DGLUCY: variants seen among roughly 807,000 people sequenced by gnomAD.
DGLUCY encodes D-glutamate cyclase.
In DGLUCY, 58 loss-of-function variants were observed where a neutral mutation model predicts 58.5. The ratio of observed to expected loss-of-function variants is 0.99; its 90% CI spans 0.80 to 1.23. The LOEUF is 1.23. Among genes scored for constraint, DGLUCY ranks in the 50% most tolerant of loss-of-function variants. The pLI is 0.00. For synonymous variants in DGLUCY, 325 were observed against 314.1 expected, an observed-to-expected ratio of 1.03 and a Z score of -0.37; for missense variants, 779 against 784.7, an observed-to-expected ratio of 0.99 and a Z score of 0.09.
At chr14:91,156,794 C>T (rs2047644578) in intron 1 of DGLUCY, among the ~76,000 whole-genome samples, 1 of 152,178 alleles carries the variant, frequency 6.6e-6, no homozygotes, top group African/African-American at 2.4e-5. Context: ...AGAGGAAGAC[C>T]ACTCCGGAAA....
intron 11 of DGLUCY, among the ~76,000 whole-genome samples, chr14:91,202,645 G>A (rs1272390717): frequency 6.6e-6 from 1 of 152,094 alleles, no homozygotes; most frequent in Non-Finnish European, 1.5e-5. Context: ...TGTGGGGGAG[G>A]GGTTCTCAGA....
At chr14:91,138,291 A>G (rs2046454033) in intron 1 of DGLUCY, among the ~76,000 whole-genome samples, 1 of 152,158 alleles carries the variant, frequency 6.6e-6, no homozygotes, top group Non-Finnish European at 1.5e-5. Flanking sequence ...CGGGAGTTCG[A>G]AACCAGCCTG....
intron 13 of DGLUCY, among the ~76,000 whole-genome samples, chr14:91,223,330 T>A (rs1887774331): frequency 6.6e-6 from 1 of 152,164 alleles, no homozygotes; most frequent in Non-Finnish European, 1.5e-5. Flanking sequence ...CTTTGATCAA[T>A]GGTGGGATGA....
At position 91,211,704 on chromosome 14, in the gene DGLUCY, TTAAACA is replaced by T. The variant is rs549709144; in HGVS notation, c.1565-3696_1565-3691del. Among the ~76,000 whole-genome samples, 49 of 152,360 alleles carry T rather than the reference TTAAACA, an allele frequency of 3.2e-4. 1 individual carries two copies. The highest frequency in any genetic ancestry group is 1.1e-3 in the African/African-American group (44 of 41,582). ...AATAAACTCAAAATGGATTATGAAC[TTAAACA>T]TAAAACACAAAACTATAAAACTCCT... On this transcript the variant is annotated intron_variant, in intron 12 of 13. Coordinates refer to ENST00000256324, the MANE Select transcript of DGLUCY (RefSeq NM_001102368.3).
At chr14:91,107,708 G>C (rs2044615969), upstream of DGLUCY, among the ~76,000 whole-genome samples, 1 of 152,098 alleles carries the variant, frequency 6.6e-6, no homozygotes, top group Non-Finnish European at 1.5e-5. Flanking sequence ...GTGAAGCTTA[G>C]ATTCCAGAGC....
intron 1 of DGLUCY, among the ~76,000 whole-genome samples, chr14:91,090,003 C>A (rs2044283987): frequency 6.6e-6 from 1 of 152,176 alleles, no homozygotes; most frequent in Admixed American, 6.5e-5. Context: ...ACCCACTGAT[C>A]CAATCATGGG....
rs192858760 is a variant in DGLUCY at position 91,152,646 on chromosome 14, G to A, written c.-81-4993G>A. On this transcript the variant is annotated intron_variant, in intron 1 of 13. Transcript: ENST00000256324. ...TTAGGCTACCACCAGCAACTCTCTTGGCAAACATTGAGCAACTCCTACCAC... is the reference window on the plus strand; with the variant it reads ...TTAGGCTACCACCAGCAACTCTCTTAGCAAACATTGAGCAACTCCTACCAC... Among the ~76,000 whole-genome samples, 4 of 152,170 alleles carry A rather than the reference G, an allele frequency of 2.6e-5. No individual in the cohort carries two copies. In the East Asian group the frequency reaches 7.7e-4, roughly 29 times the overall value.
intron 1 of DGLUCY, among the ~76,000 whole-genome samples, chr14:91,102,033 A>G (rs1228112291): frequency 2.6e-5 from 4 of 151,934 alleles, no homozygotes; most frequent in Admixed American, 1.3e-4. Flanking sequence ...AATAATTCAA[A>G]TGTTCCTGGC....
chr14:91,120,336 T>G (rs548482580), intron 1 of DGLUCY, among the ~76,000 whole-genome samples: 83 of 152,292 alleles, frequency 5.5e-4, no homozygotes, highest in Middle Eastern at 3.4e-3. Context: ...AGTCTCTTCT[T>G]GTATTTATTT....
chr14:91,102,036 T>C (rs1225934455), intron 1 of DGLUCY, among the ~76,000 whole-genome samples: 2 of 151,992 alleles, frequency 1.3e-5, no homozygotes, highest in Admixed American at 6.6e-5. Flanking sequence ...AATTCAAATG[T>C]TCCTGGCATA....
At chr14:91,109,581 T>A (rs1181882737), upstream of DGLUCY, among the ~76,000 whole-genome samples, 4 of 152,056 alleles carry the variant, frequency 2.6e-5, no homozygotes, top group East Asian at 3.9e-4. Flanking sequence ...CAGAAGTGGG[T>A]CAGAACATAT....
intron 1 of DGLUCY, among the ~76,000 whole-genome samples, chr14:91,155,081 A>G (rs1263152102): frequency 6.6e-6 from 1 of 151,838 alleles, no homozygotes; most frequent in Non-Finnish European, 1.5e-5. Context: ...CTTCTCCTCC[A>G]CCCTGAGTCC....
intron 1 of DGLUCY, among the ~76,000 whole-genome samples, chr14:91,156,943 G>T (rs140364848): frequency 3.7e-4 from 56 of 152,344 alleles, no homozygotes; most frequent in African/African-American, 1.3e-3. Context: ...ATAGTGGGAA[G>T]GTCCCTGTTA....
Position 91,170,136 on chromosome 14 carries a change from G to T in DGLUCY, c.391G>T (p.Ala131Ser). The change falls in exon 5 of 14, where the codon GCC (alanine) becomes TCC (serine). Residue 131 changes from alanine to serine, a missense_variant. By Grantham distance (99) the Ala-to-Ser change is moderately conservative. Transcript: ENST00000256324. Reference protein sequence around the residue: ...FLGCSFSLEEALEKAGLPRRD... With the variant: ...FLGCSFSLEESLEKAGLPRRD... ...GGGCTGCAGCTTCTCCCTGGAGGAG[G>T]CCTTGGAGAAAGCGGGGCTCCCCAG... is the stretch of plus-strand genomic sequence containing the variant. 11 of 1,613,348 alleles carry T rather than the reference G, an allele frequency of 6.8e-6. No homozygotes were observed. The highest frequency in any genetic ancestry group is 9.3e-6 in the Non-Finnish European group (11 of 1,180,036).
At chr14:91,155,531 C>A (rs2047567324) in intron 1 of DGLUCY, among the ~76,000 whole-genome samples, 1 of 152,192 alleles carries the variant, frequency 6.6e-6, no homozygotes, top group Admixed American at 6.5e-5. Flanking sequence ...TGGCTTTGGC[C>A]TTGCACGGCG....
chr14:91,155,982 A>T (rs1432287465), intron 1 of DGLUCY, among the ~76,000 whole-genome samples: 7 of 152,078 alleles, frequency 4.6e-5, no homozygotes, highest in Non-Finnish European at 1.0e-4. Flanking sequence ...GCTCTTCTCC[A>T]TCCTTCCACA....
chr14:91,176,330 A>G (rs1471860259), intron 7 of DGLUCY, among the ~76,000 whole-genome samples: 1 of 151,686 alleles, frequency 6.6e-6, no homozygotes, highest in African/African-American at 2.4e-5. Flanking sequence ...GGTTCAAGCG[A>G]TTTTTCAGTC....
In DGLUCY at chr14:91,074,116, T is replaced by TACACACACACACACACACAC. The variant is rs1280375718; in HGVS notation, c.-82+13413_-82+13414insCACACACACACACACACACA. Among the ~76,000 whole-genome samples the TACACACACACACACACACAC allele has an allele frequency of 2.2e-3, 174 of 77,452 alleles. 2 individuals carry two copies. The highest frequency in any genetic ancestry group is 3.3e-3 in the Non-Finnish European group (137 of 42,054). The allele number at this position is 77,452 out of a possible 152,430, so 50.8% of individuals were successfully genotyped here. On this transcript the variant is annotated intron_variant, in intron 1 of 4. Transcript: ENST00000521334. ...ACCAAAAAAAAAAAATATATATATATATACACACACACACACACACACACA... is the reference window on the plus strand; with the variant it reads ...ACCAAAAAAAAAAAATATATATATATACACACACACACACACACACATACACACACACACACACACACACA...
At chr14:91,173,964 G>A (rs1346450758) in intron 6 of DGLUCY, among the ~76,000 whole-genome samples, 1 of 151,978 alleles carries the variant, frequency 6.6e-6, no homozygotes, top group African/African-American at 2.4e-5. Flanking sequence ...TGTCTGATAG[G>A]TTCAGGGTGG....
Sources: gnomAD v4.1 joint callset for allele counts (sites outside exome capture counted in the v4.1 genomes callset) on GRCh38, gnomAD v4.1.1 for gene constraint, MANE v1.5 for transcripts, NCBI Gene and HGNC (gene_info 2026-07-23, HGNC 2026-07-21) for gene names.